The following DAB1 variants were observed in gnomAD, a reference collection of about 807,000 sequenced individuals.
DAB1 encodes the protein disabled homolog 1.
Under a neutral mutation model 64.6 loss-of-function variants are expected in DAB1, and 15 were observed. That is an observed-to-expected ratio of 0.23 (90% confidence interval 0.16 to 0.36). DAB1 has a LOEUF of 0.36. DAB1 is among the 10% of genes least tolerant of loss of function. DAB1 has a pLI of 1.00. For synonymous variants in DAB1, 235 were observed against 251.9 expected (o/e 0.93, Z 0.64); for missense variants, 596 against 706.7 (o/e 0.84, Z 1.78).
chr1:58,528,291 T>C (rs889233602), intron 1 of DAB1, among the ~76,000 whole-genome samples: 2 of 152,210 alleles, frequency 1.3e-5, no homozygotes, highest in Non-Finnish European at 2.9e-5. Context: ...CCAAATACTG[T>C]TAACTTATTG....
chr1:58,082,468 C>T (rs537889522), intron 5 of DAB1, among the ~76,000 whole-genome samples: 1 of 151,420 alleles, frequency 6.6e-6, no homozygotes, highest in South Asian at 2.1e-4. Flanking sequence ...TCCTCAAAGA[C>T]TTTCCTGTCT....
chr1:57,075,366 A>C (rs1363965408), intron 4 of DAB1, among the ~76,000 whole-genome samples: 1 of 152,152 alleles, frequency 6.6e-6, no homozygotes, highest in Non-Finnish European at 1.5e-5. Flanking sequence ...TGTGTGTGTG[A>C]GCGTGAAGTG....
chr1:58,542,983 G>A (rs1646644576), intron 1 of DAB1, among the ~76,000 whole-genome samples: 1 of 64,214 alleles, frequency 1.6e-5, no homozygotes, highest in African/African-American at 3.8e-5. Flanking sequence ...CAAACAAAAA[G>A]CTTTTTTAAA....
chr1:57,483,379 G>A (rs752410732), intron 7 of DAB1, among the ~76,000 whole-genome samples: 2 of 151,972 alleles, frequency 1.3e-5, no homozygotes, highest in African/African-American at 2.4e-5. Flanking sequence ...GAGAGCTGAC[G>A]GTTTTATAAG....
At chr1:57,724,717 C>A (rs72914409) in intron 6 of DAB1, among the ~76,000 whole-genome samples, 141 of 152,256 alleles carry the variant, frequency 9.3e-4, no homozygotes, top group Middle Eastern at 6.8e-3. Context: ...ATGAGCAGAC[C>A]TCTCTGAGAA....
chr1:57,997,399 G>T (rs1646441536), intron 5 of DAB1, among the ~76,000 whole-genome samples: 1 of 152,208 alleles, frequency 6.6e-6, no homozygotes, highest in South Asian at 2.1e-4. Flanking sequence ...CAAGTTGCCT[G>T]CTTGGCCCTC....
intron 3 of DAB1, among the ~76,000 whole-genome samples, chr1:58,464,772 G>C (rs338251): frequency 6.6e-6 from 1 of 152,116 alleles, no homozygotes; most frequent in African/African-American, 2.4e-5. Context: ...AGGAGGAGAC[G>C]AGAACTGAAC....
chr1:58,342,371 A>G (rs1643949835), intron 4 of DAB1, among the ~76,000 whole-genome samples: 1 of 152,206 alleles, frequency 6.6e-6, no homozygotes, highest in African/African-American at 2.4e-5. Flanking sequence ...TCACAACCTC[A>G]GACTGTGTGG....
At chr1:57,292,313 C>T (rs1294364799) in intron 1 of DAB1, among the ~76,000 whole-genome samples, 2 of 152,092 alleles carry the variant, frequency 1.3e-5, no homozygotes, top group Admixed American at 6.5e-5. Context: ...TGAGGAAATT[C>T]CCACCTTAAT....
chr1:57,470,576 C>A (rs1214398654), intron 7 of DAB1, among the ~76,000 whole-genome samples: 4 of 152,026 alleles, frequency 2.6e-5, no homozygotes, highest in African/African-American at 9.7e-5. Flanking sequence ...AGGGGATAGC[C>A]CCCAAAAAGT....
At chr1:57,072,462 C>T (rs775875268) in intron 4 of DAB1, 48 bp from the exon 5 acceptor site, 8 of 1,597,102 alleles carry the variant, frequency 5.0e-6, no homozygotes, top group South Asian at 4.5e-5. Flanking sequence ...ACTTTCCCTT[C>T]GAGCTGTTGA....
chr1:57,502,268 C>T (rs1644297842), intron 7 of DAB1, among the ~76,000 whole-genome samples: 1 of 136,718 alleles, frequency 7.3e-6, no homozygotes, highest in African/African-American at 2.7e-5. Flanking sequence ...TGTAGTGAGC[C>T]GAGATTGGCC....
chr1:57,606,558 TATATATTATATATGAAATATATAATATA>T (rs1336498459), intron 7 of DAB1, among the ~76,000 whole-genome samples: 3 of 112,712 alleles, frequency 2.7e-5, no homozygotes, highest in African/African-American at 3.6e-5. Flanking sequence ...TATAATATAT[TATATATTATATATGAAATATATAATATA>T]ATATATTATA....
At chr1:58,253,377 A>T (rs2100408510) in intron 4 of DAB1, among the ~76,000 whole-genome samples, 1 of 152,346 alleles carries the variant, frequency 6.6e-6, no homozygotes, top group East Asian at 1.9e-4. Context: ...TTAACAATAA[A>T]GCCCTGAGTC....
At chr1:57,559,620 GT>G (rs527830050) in intron 7 of DAB1, among the ~76,000 whole-genome samples, 144 of 152,270 alleles carry the variant, frequency 9.5e-4, no homozygotes, top group Admixed American at 8.9e-3. Flanking sequence ...AATTAATGGA[GT>G]TTTAGCTCAG....
At chr1:57,441,242 A>ATCTTTTCTTTTCTTT (rs10546051) in intron 7 of DAB1, among the ~76,000 whole-genome samples, 14 of 147,526 alleles carry the variant, frequency 9.5e-5, no homozygotes, top group African/African-American at 2.7e-4. Flanking sequence ...CACAGGTACA[A>ATCTTTTCTTTTCTTT]TCTTTTCTTT....
intron 4 of DAB1, among the ~76,000 whole-genome samples, chr1:58,174,473 C>G (rs1385669349): frequency 6.6e-6 from 1 of 152,196 alleles, no homozygotes; most frequent in Non-Finnish European, 1.5e-5. Flanking sequence ...TCTGACTGAC[C>G]TAAAGAGTTC....
chr1:57,809,844 A>G (rs1651534400), intron 6 of DAB1, among the ~76,000 whole-genome samples: 1 of 152,218 alleles, frequency 6.6e-6, no homozygotes, highest in South Asian at 2.1e-4. Flanking sequence ...TATGACTAGA[A>G]CATCCGTGTT....
intron 7 of DAB1, among the ~76,000 whole-genome samples, chr1:57,559,930 C>A (rs974895303): frequency 6.6e-6 from 1 of 152,222 alleles, no homozygotes; most frequent in Non-Finnish European, 1.5e-5. Flanking sequence ...ACCACATCAC[C>A]ATTCAGCTCT....
Sources: allele counts gnomAD v4.1 joint callset (sites outside exome capture counted in the v4.1 genomes callset), GRCh38; gene constraint gnomAD v4.1.1; transcripts MANE v1.5; gene names NCBI Gene and HGNC (gene_info 2026-07-23, HGNC 2026-07-21).